EIF3B: variants seen among roughly 807,000 people sequenced by gnomAD.
EIF3B encodes eukaryotic translation initiation factor 3 subunit B, also known as eukaryotic translation initiation factor 3 subunit 9.
A neutral mutation model predicts 104.6 loss-of-function variants in EIF3B; 10 were observed. That is an observed-to-expected ratio of 0.10 (90% confidence interval 0.06 to 0.16). EIF3B has a LOEUF of 0.16. Among genes scored for constraint, EIF3B ranks in the 10% least tolerant of loss-of-function variants. The pLI is 1.00. For missense variants in EIF3B, 1,014 were observed against 1,087.9 expected (o/e 0.93, Z 0.96); for synonymous variants, 542 against 417.2 (o/e 1.30, Z -3.65).
upstream of EIF3B, chr7:2,354,821 A>C (rs1320592368): frequency 7.9e-6 from 8 of 1,013,270 alleles, no homozygotes; most frequent in African/African-American, 1.2e-4. Flanking sequence ...TCCCCGTCGC[A>C]CGCACATGGC....
intron 4 of EIF3B, among the ~76,000 whole-genome samples, chr7:2,363,352 G>A (rs535331000): frequency 4.9e-4 from 75 of 152,142 alleles, no homozygotes; most frequent in Non-Finnish European, 9.7e-4. Flanking sequence ...CCAGCTACCT[G>A]GGAGGCTGAG....
At chr7:2,356,542 G>T (rs1583145174) in intron 1 of EIF3B, among the ~76,000 whole-genome samples, 2 of 150,164 alleles carry the variant, frequency 1.3e-5, no homozygotes, top group South Asian at 4.2e-4. Context: ...GGCGGAGCTT[G>T]CAGTGAGCCG....
chr7:2,369,216 G>A (rs960735623), intron 9 of EIF3B, among the ~76,000 whole-genome samples: 11 of 152,216 alleles, frequency 7.2e-5, no homozygotes, highest in African/African-American at 2.4e-4. Flanking sequence ...GAGTCTGTGC[G>A]TGATGGTGGG....
chr7:2,375,576 G>A, intron 14 of EIF3B, 49 bp downstream of exon 14: 1 of 1,611,076 alleles, frequency 6.2e-7, no homozygotes, highest in Non-Finnish European at 8.5e-7. Flanking sequence ...AGCAGGGAGT[G>A]CTGGCTAGCT....
intron 2 of EIF3B, among the ~76,000 whole-genome samples, chr7:2,361,779 T>G (rs187883510): frequency 1.1e-4 from 17 of 152,048 alleles, no homozygotes; most frequent in East Asian, 3.9e-4. Context: ...TTTAAGTTTT[T>G]TTTGTTTGTT....
rs777118685 is a variant in EIF3B at position 2,380,285 on chromosome 7, C to T, written c.*96C>T. 5 of 511,098 alleles carry T rather than the reference C, an allele frequency of 9.8e-6. No individual in the cohort carries two copies. The Admixed American group carries it at 1.0e-4, about 10-fold the overall frequency. 31.7% of individuals were successfully genotyped at this position (511,098 alleles called of 1,614,324 possible). A position where few individuals can be genotyped will look rare whatever the true frequency, so the allele number is the denominator to read the frequency against. ...CGCGGTTCCTCTGTTGCAGCGCAGC[C>T]GTGTGTGCTGTGGAGCCGAGGCCGT... On this transcript the variant is annotated 3_prime_UTR_variant, in exon 19 of 19. Transcript: ENST00000360876.
intron 9 of EIF3B, among the ~76,000 whole-genome samples, chr7:2,367,341 C>T (rs527550784): frequency 2.0e-5 from 3 of 152,070 alleles, no homozygotes; most frequent in African/African-American, 7.2e-5. Flanking sequence ...TCAGGACCTC[C>T]CACCCCCCAA....
chr7:2,360,660 T>C, intron 1 of EIF3B, 50 bp from the exon 2 acceptor site: 1 of 1,458,304 alleles, frequency 6.9e-7, no homozygotes, highest in Non-Finnish European at 9.4e-7. Context: ...GTTAATGTAT[T>C]AATGTTTTTC....
In EIF3B at chr7:2,362,736, C is replaced by G; in HGVS notation, c.784C>G (p.Arg262Gly). The G allele has an allele frequency of 6.2e-7, 1 of 1,614,186 alleles. No homozygotes were observed. The highest frequency in any genetic ancestry group is 1.1e-5 in the South Asian group (1 of 91,092). The change falls in exon 3 of 19, where the codon CGG becomes GGG. Residue 262 changes from arginine (R) to glycine (G), a missense_variant. Transcript: ENST00000360876. ...GYKLDKQHTF[R>G]VNLFTDFDKY... is the part of the protein sequence containing the mutation. The stretch of plus-strand genomic sequence containing the variant: ...CAAGCTTGACAAGCAGCACACATTC[C>G]GGGTCAACCTCTTTACGGATTTTGA...
chr7:2,356,083 C>G (rs764396951), intron 1 of EIF3B, among the ~76,000 whole-genome samples: 1 of 152,172 alleles, frequency 6.6e-6, no homozygotes, highest in Non-Finnish European at 1.5e-5. Flanking sequence ...TGCTTCCTGT[C>G]TCAGAGATTT....
intron 1 of EIF3B, among the ~76,000 whole-genome samples, chr7:2,357,766 T>G (rs1480016805): frequency 6.6e-6 from 1 of 152,236 alleles, no homozygotes; most frequent in African/African-American, 2.4e-5. Context: ...TGTGTCTTCA[T>G]GGTGTAGTTA....
chr7:2,359,444 A>G lies in EIF3B; in HGVS notation c.500-1266A>G, dbSNP rs551975949. Among the ~76,000 whole-genome samples the G allele has an allele frequency of 5.9e-5, 9 of 152,316 alleles. No individual in the cohort carries two copies. In the East Asian group the frequency reaches 1.5e-3, roughly 26 times the overall value. On this transcript the variant is annotated intron_variant, in intron 1 of 18. Transcript: ENST00000360876. The stretch of plus-strand genomic sequence containing the variant: ...ATCTTCATAGAAACCCAAAAGGACC[A>G]GGTTCAGGGGCTCCATGCAGCGGAA...
chr7:2,374,324 C>T (rs1780520889), intron 12 of EIF3B: 2 of 502,380 alleles, frequency 4.0e-6, no homozygotes, highest in Non-Finnish European at 7.2e-6. Flanking sequence ...CCTGTCGCAT[C>T]TTCTTTTTTT....
upstream of EIF3B, chr7:2,354,289 C>CT (rs1487235939): frequency 6.6e-6 from 1 of 152,210 alleles, no homozygotes; most frequent in Non-Finnish European, 1.5e-5. Flanking sequence ...CCCCGAATTC[C>CT]TTTTCTATTT....
intron 16 of EIF3B, 164 bp from the exon 17 acceptor site, chr7:2,378,970 T>TG (rs1172339225): frequency 6.7e-6 from 5 of 747,364 alleles, no homozygotes; most frequent in South Asian, 1.8e-5. Flanking sequence ...GCCTTGTGGG[T>TG]GGGGGGCAGC....
At chr7:2,362,553 G>A (rs961579706) in intron 2 of EIF3B, 92 bp from the exon 3 acceptor site, 45 of 1,523,992 alleles carry the variant, frequency 3.0e-5, no homozygotes, top group Non-Finnish European at 4.0e-5. Flanking sequence ...TCCTGGCACC[G>A]AGGGCTTGTC....
chr7:2,372,640 C>G (rs1446465734), intron 11 of EIF3B, 33 bp from the exon 12 acceptor site: 4 of 1,606,468 alleles, frequency 2.5e-6, no homozygotes, highest in Non-Finnish European at 3.4e-6. Context: ...CTGAATTGAC[C>G]AAAAAGGGAG....
rs1289196516 is a variant in EIF3B, at chr7:2,363,549, G to T, written c.871-83G>T. On this transcript the variant is annotated intron_variant, in intron 4 of 18. Coordinates refer to ENST00000360876, the MANE Select transcript of EIF3B (RefSeq NM_001037283.2). ...GGGAGTTAAGATGTGGACTGAACTT[G>T]TCATATCTTTAAGAGCAATAGTTGT... The T allele has an allele frequency of 2.3e-6, 3 of 1,289,164 alleles. No homozygotes were observed. The South Asian group carries it at 4.3e-5, about 18-fold the overall frequency. 79.9% of individuals were successfully genotyped at this position (1,289,164 alleles called of 1,614,324 possible).
chr7:2,364,228 C>A, intron 5 of EIF3B, 144 bp from the exon 6 acceptor site: 1 of 739,014 alleles, frequency 1.4e-6, no homozygotes, highest in Non-Finnish European at 2.2e-6. Flanking sequence ...CGCCACTGCA[C>A]TCCAGCCTGG....
Sources: gnomAD v4.1 joint callset for allele counts (sites outside exome capture counted in the v4.1 genomes callset) on GRCh38, gnomAD v4.1.1 for gene constraint, MANE v1.5 for transcripts, NCBI Gene and HGNC (gene_info 2026-07-23, HGNC 2026-07-21) for gene names.